The following MTSS2 variants were observed in gnomAD, a reference collection of about 807,000 sequenced individuals.
The protein encoded by MTSS2 is MTSS I-BAR domain containing 2, also known as protein MTSS 2.
In MTSS2, 27 loss-of-function variants were observed where a neutral mutation model predicts 67.1. The observed-to-expected ratio is 0.40, with a 90% CI of 0.30 to 0.55. The LOEUF is 0.55. MTSS2 is among the 20% of genes least tolerant of loss of function. The pLI, the probability that MTSS2 is intolerant of heterozygous loss-of-function variation, is 0.43. For synonymous variants in MTSS2, 624 were observed against 468.6 expected (o/e 1.33, Z -4.28); for missense variants, 1,171 against 1,067.8 (o/e 1.10, Z -1.35).
intron 10 of MTSS2, among the ~76,000 whole-genome samples, chr16:70,676,208 T>C (rs538884086): frequency 2.0e-5 from 3 of 152,292 alleles, no homozygotes; most frequent in Admixed American, 6.5e-5. Flanking sequence ...ACCATCAATG[T>C]CTCCTCCAAA....
intron 11 of MTSS2, among the ~76,000 whole-genome samples, chr16:70,670,552 T>A (rs12921898): frequency 8.8e-4 from 134 of 152,132 alleles, no homozygotes; most frequent in Admixed American, 1.7e-3. Flanking sequence ...TAGAATGCCA[T>A]ATAGCAATGA....
At chr16:70,684,629 GC>G (rs1173077705) in intron 1 of MTSS2, among the ~76,000 whole-genome samples, 1 of 152,190 alleles carries the variant, frequency 6.6e-6, no homozygotes, top group Admixed American at 6.5e-5. Flanking sequence ...TCTGCGCTGG[GC>G]TGTGGGGGTG....
At chr16:70,673,356 T>C (rs1284832732) in intron 11 of MTSS2, among the ~76,000 whole-genome samples, 1 of 152,204 alleles carries the variant, frequency 6.6e-6, no homozygotes, top group Non-Finnish European at 1.5e-5. Context: ...CATCAGTGAC[T>C]GACAGCTGAC....
At position 70,676,934 on chromosome 16, in the gene MTSS2, C is replaced by A. The variant is rs866672599; in HGVS notation, c.777G>T (p.Gln259His). ...LKGSDYSWSY[Q>H]TPPSSPSSSS... ...AGCTGCTGGGTGATGAGGGTGGGGT[C>A]TGGTAGGACCAGCTGTAGTCCGAGC... The change falls in exon 10 of 15, where the codon CAG becomes CAT. Residue 259 changes from glutamine (Q) to histidine (H), a missense_variant. Physicochemically the swap from Gln to His is conservative, Grantham distance 24 (BLOSUM62 0). Around this residue, in one of 2 missense-constraint regions of MTSS2, gnomAD observed 924 missense variants for 756.0 expected, o/e 1.22. Transcript: ENST00000338779. 1 of 1,613,906 alleles carries A rather than the reference C, an allele frequency of 6.2e-7. No individual in the cohort carries two copies. Among genetic ancestry groups the A allele is most frequent in the African/African-American group, 1.3e-5 (1 of 75,004 alleles).
intron 9 of MTSS2, among the ~76,000 whole-genome samples, chr16:70,677,568 C>T (rs772039131): frequency 1.3e-5 from 2 of 152,182 alleles, no homozygotes; most frequent in Non-Finnish European, 2.9e-5. Flanking sequence ...AGGACTTCAC[C>T]CATCTACTCT....
rs147403859 is a variant in MTSS2 at position 70,664,037 on chromosome 16, C to T, written c.1884G>A (p.Pro628=). The change falls in exon 15 of 15, where the codon CCG becomes CCA. Residue 628 remains proline, a synonymous_variant. Transcript: ENST00000338779. The part of the protein sequence containing the change: ...YTDETASPLA[P]DLAKASPKRL... ...TCTTTGGGGAGGCCTTGGCGAGGTC[C>T]GGTGCCAGGGGTGAGGCGGTCTCGT... 20 of 1,608,762 alleles carry T rather than the reference C, an allele frequency of 1.2e-5. No individual in the cohort carries two copies. Among genetic ancestry groups the T allele is most frequent in the Middle Eastern group, 1.7e-4 (1 of 6,058 alleles).
chr16:70,668,339 CAG>C (rs1474718187), intron 11 of MTSS2, among the ~76,000 whole-genome samples: 1 of 151,034 alleles, frequency 6.6e-6, no homozygotes, highest in East Asian at 1.9e-4. Context: ...AGCCTGGGGA[CAG>C]AGGTTGCAGT....
chr16:70,663,531 A>G lies in MTSS2; in HGVS notation c.*146T>C, dbSNP rs1340322864. The G allele has an allele frequency of 2.2e-6, 3 of 1,365,528 alleles. No homozygotes were observed. The highest frequency in any genetic ancestry group is 2.9e-6 in the Non-Finnish European group (3 of 1,041,310). The allele number at this position is 1,365,528 out of a possible 1,614,324, so 84.6% of individuals were successfully genotyped here. ...CTTCCTGTTTAAATGCTGGAATCCA[A>G]GTGAGGTGTCTTTCCATAAAGTGGC... is the stretch of plus-strand genomic sequence containing the variant. On this transcript the variant is annotated 3_prime_UTR_variant, in exon 15 of 15. Coordinates refer to ENST00000338779, the MANE Select transcript of MTSS2 (RefSeq NM_138383.3).
At position 70,681,701 on chromosome 16, in the gene MTSS2, C is replaced by T. The variant is rs541284156; in HGVS notation, c.70-676G>A. On this transcript the variant is annotated intron_variant, in intron 1 of 14. Coordinates refer to ENST00000338779, the MANE Select transcript of MTSS2 (RefSeq NM_138383.3). Reference sequence around the variant, plus strand: ...CCACCTTTCTCCACCCCCTGCTCCCCTCCCCTCCTGGGGAAACAGTGTGGC... The same window carrying T: ...CCACCTTTCTCCACCCCCTGCTCCCTTCCCCTCCTGGGGAAACAGTGTGGC... Among the ~76,000 whole-genome samples, 7 of 152,380 alleles carry T rather than the reference C, an allele frequency of 4.6e-5. No individual in the cohort carries two copies. The South Asian group carries it at 1.4e-3, about 32-fold the overall frequency.
chr16:70,661,317 G>A lies in MTSS2; in HGVS notation c.*2360C>T, dbSNP rs1488642639. Reference sequence around the variant, plus strand: ...TGGTGTGGAGGGGGCGGGGAGGAGAGGAGAATTTTTCCAAAATCTGACGGA... The same window carrying A: ...TGGTGTGGAGGGGGCGGGGAGGAGAAGAGAATTTTTCCAAAATCTGACGGA... On this transcript the variant is annotated 3_prime_UTR_variant, in exon 15 of 15. Coordinates refer to ENST00000338779, the MANE Select transcript of MTSS2 (RefSeq NM_138383.3). 1 of 445,758 alleles carries A rather than the reference G, an allele frequency of 2.2e-6. No individual in the cohort carries two copies. Among genetic ancestry groups the A allele is most frequent in the Non-Finnish European group, 4.5e-6 (1 of 224,362 alleles). The allele number at this position is 445,758 out of a possible 1,614,324, so 27.6% of individuals were successfully genotyped here.
Position 70,679,839 on chromosome 16 carries a change from C to A in MTSS2, c.329G>T (p.Arg110Leu), listed in dbSNP as rs1198616676. Residue 110 changes from arginine to leucine, a missense_variant, in exon 5 of 15, where the codon CGC becomes CTC. Around this residue, in one of 2 missense-constraint regions of MTSS2, gnomAD observed 247 missense variants for 311.8 expected, o/e 0.79. Transcript: ENST00000338779. ...LESLINPLQE[R>L]IEDWKKAANQ... ...GGCCGCCTTCTTCCAGTCCTCGATG[C>A]GCTCCTGCAGCGGGTTGATGAGGCT... The A allele has an allele frequency of 1.2e-6, 2 of 1,606,192 alleles. No individual in the cohort carries two copies. The highest frequency in any genetic ancestry group is 8.5e-7 in the Non-Finnish European group (1 of 1,179,552).
intron 11 of MTSS2, among the ~76,000 whole-genome samples, chr16:70,672,357 A>T (rs1018731782): frequency 6.6e-6 from 1 of 151,634 alleles, no homozygotes; most frequent in African/African-American, 2.4e-5. Context: ...AAAAAAAAAA[A>T]AAAAAGGAAA....
intron 11 of MTSS2, among the ~76,000 whole-genome samples, chr16:70,669,672 C>T (rs1353901066): frequency 2.0e-5 from 3 of 149,494 alleles, no homozygotes; most frequent in Non-Finnish European, 4.4e-5. Context: ...AAAAATTAGC[C>T]CAGGTGTGGT....
chr16:70,669,824 A>AAAAG (rs2052863103), intron 11 of MTSS2, among the ~76,000 whole-genome samples: 1 of 151,788 alleles, frequency 6.6e-6, no homozygotes, highest in South Asian at 2.1e-4. Context: ...CTCATAAAAA[A>AAAAG]AAAAGTATGA....
chr16:70,681,229 G>T (rs1171978471), intron 1 of MTSS2, among the ~76,000 whole-genome samples: 1 of 152,194 alleles, frequency 6.6e-6, no homozygotes, highest in African/African-American at 2.4e-5. Flanking sequence ...CCTGTCCCTG[G>T]GAACGGGCGC....
intron 1 of MTSS2, among the ~76,000 whole-genome samples, chr16:70,681,810 A>C (rs1462054892): frequency 6.6e-6 from 1 of 152,224 alleles, no homozygotes; most frequent in Admixed American, 6.5e-5. Context: ...CGAGTTGTCC[A>C]ATCTGATTTT....
At chr16:70,679,447 G>A (rs1174486835) in intron 6 of MTSS2, 124 bp from the exon 7 acceptor site, 4 of 1,318,742 alleles carry the variant, frequency 3.0e-6, no homozygotes, top group East Asian at 4.7e-5. Flanking sequence ...CTCCCATAGG[G>A]AGGTTCTGGA....
chr16:70,671,008 C>T (rs1376038101), intron 11 of MTSS2, among the ~76,000 whole-genome samples: 2 of 142,860 alleles, frequency 1.4e-5, no homozygotes, highest in Admixed American at 1.4e-4. Flanking sequence ...CAAAAGTAGT[C>T]AGGATAGCAG....
chr16:70,673,780 TA>T (rs1351239511), intron 11 of MTSS2, among the ~76,000 whole-genome samples: 1 of 151,924 alleles, frequency 6.6e-6, no homozygotes, highest in South Asian at 2.1e-4. Context: ...GGGTGACAAG[TA>T]AAAAAATATA....
Sources: allele counts gnomAD v4.1 joint callset (sites outside exome capture counted in the v4.1 genomes callset), GRCh38; gene constraint gnomAD v4.1.1; regional missense constraint gnomAD v4.1.1; transcripts MANE v1.5; gene names NCBI Gene and HGNC (gene_info 2026-07-23, HGNC 2026-07-21).